The following MAGI2 variants were observed in gnomAD, a reference collection of about 807,000 sequenced individuals.
MAGI2 encodes membrane-associated guanylate kinase, WW and PDZ domain-containing protein 2.
MAGI2 carries 35 observed loss-of-function variants against 133.3 expected under a neutral mutation model. The ratio of observed to expected loss-of-function variants is 0.26; its 90% CI spans 0.20 to 0.35. The LOEUF is 0.35. MAGI2 is among the 10% of genes least tolerant of loss of function. The pLI, the probability that MAGI2 is intolerant of heterozygous loss-of-function variation, is 1.00. For missense variants in MAGI2, 1,636 were observed against 1,863.4 expected, an observed-to-expected ratio of 0.88 and a Z score of 2.25; for synonymous variants, 729 against 710.6, an observed-to-expected ratio of 1.03 and a Z score of -0.41.
intron 15 of MAGI2, among the ~76,000 whole-genome samples, chr7:78,162,405 GTCCCAGCTAC>G (rs903808021): frequency 7.3e-5 from 11 of 150,976 alleles, no homozygotes; most frequent in African/African-American, 2.7e-4. Context: ...GGCTCCTGTA[GTCCCAGCTAC>G]TCGGGAGGCT....
At chr7:78,500,825 AC>A (rs1330675670) in intron 5 of MAGI2, among the ~76,000 whole-genome samples, 7 of 152,104 alleles carry the variant, frequency 4.6e-5, no homozygotes, top group Non-Finnish European at 1.0e-4. Context: ...GCAGTGGCTC[AC>A]CCCTGTAATC....
intron 3 of MAGI2, among the ~76,000 whole-genome samples, chr7:78,555,200 G>A (rs2215937): frequency 0.14 from 12,605 of 92,502 alleles, 717 homozygotes; most frequent in South Asian, 0.18. Context: ...TTGGATGGAT[G>A]GATAGATAGA....
chr7:78,188,630 G>C (rs183085071), intron 12 of MAGI2, among the ~76,000 whole-genome samples: 23 of 152,184 alleles, frequency 1.5e-4, no homozygotes, highest in Middle Eastern at 3.4e-3. Flanking sequence ...GAACATACGT[G>C]GGGGGTACTT....
intron 1 of MAGI2, among the ~76,000 whole-genome samples, chr7:79,123,694 G>A (rs999473470): frequency 2.0e-5 from 3 of 148,048 alleles, no homozygotes; most frequent in African/African-American, 5.0e-5. Flanking sequence ...ACTGAGGCAG[G>A]AGAATCGCTT....
At chr7:78,899,476 C>A (rs1361243561) in intron 2 of MAGI2, among the ~76,000 whole-genome samples, 1 of 152,166 alleles carries the variant, frequency 6.6e-6, no homozygotes, top group African/African-American at 2.4e-5. Flanking sequence ...CTGTTAAAAT[C>A]CTACCTTGGC....
chr7:79,020,801 G>T (rs1809250625), intron 1 of MAGI2, among the ~76,000 whole-genome samples: 3 of 151,218 alleles, frequency 2.0e-5, no homozygotes, highest in African/African-American at 7.3e-5. Flanking sequence ...GAAATGAGGA[G>T]CCAAATGTTA....
chr7:78,339,137 C>G (rs1260378482), intron 9 of MAGI2, among the ~76,000 whole-genome samples: 4 of 152,328 alleles, frequency 2.6e-5, no homozygotes, highest in Non-Finnish European at 4.4e-5. Context: ...GATGTGAACT[C>G]CTTGAGAAAC....
chr7:78,171,594 T>C (rs1480400815), intron 14 of MAGI2, among the ~76,000 whole-genome samples: 5 of 152,214 alleles, frequency 3.3e-5, no homozygotes, highest in Non-Finnish European at 7.3e-5. Context: ...ACGTCCCAAG[T>C]TGGCTGAGCA....
At chr7:79,279,781 C>T (rs540573531) in intron 1 of MAGI2, among the ~76,000 whole-genome samples, 6 of 152,200 alleles carry the variant, frequency 3.9e-5, no homozygotes, top group Non-Finnish European at 2.9e-5. Flanking sequence ...TTAACTTCTT[C>T]AGTTCAAATT....
rs1401981573 is a variant in MAGI2, at chr7:79,345,038, A to G, written c.301+107982T>C. On this transcript the variant is annotated intron_variant, in intron 1 of 21. Transcript: ENST00000354212. ...CAAGAATGTCCATATCCATCTATTTAATACATATTGTTATGGGTTGAATTG... is the reference window on the plus strand; with the variant it reads ...CAAGAATGTCCATATCCATCTATTTGATACATATTGTTATGGGTTGAATTG... Among the ~76,000 whole-genome samples the G allele has an allele frequency of 2.6e-5, 4 of 152,090 alleles. No homozygotes were observed. In the East Asian group the frequency reaches 7.7e-4, roughly 29 times the overall value.
chr7:78,384,622 G>T (rs1289462363), intron 6 of MAGI2, among the ~76,000 whole-genome samples: 1 of 152,102 alleles, frequency 6.6e-6, no homozygotes, highest in Non-Finnish European at 1.5e-5. Flanking sequence ...TTCTAGTGAA[G>T]CAGCCTTTTC....
Position 78,482,896 on chromosome 7 carries a change from CA to C in MAGI2, c.1045+6864del, listed in dbSNP as rs1783366657. Among the ~76,000 whole-genome samples, 9 of 128,888 alleles carry C rather than the reference CA, an allele frequency of 7.0e-5. No individual in the cohort carries two copies. The South Asian group carries it at 1.8e-3, about 25-fold the overall frequency. 84.6% of individuals were successfully genotyped at this position (128,888 alleles called of 152,430 possible). A position where few individuals can be genotyped will look rare whatever the true frequency, so the allele number is the denominator to read the frequency against. On this transcript the variant is annotated intron_variant, in intron 6 of 21. Coordinates refer to ENST00000354212, the MANE Select transcript of MAGI2 (RefSeq NM_012301.4). The stretch of plus-strand genomic sequence containing the variant: ...ATGGAACTACACACACACACACACA[CA>C]CACACACACACACACACACACACAC...
intron 2 of MAGI2, among the ~76,000 whole-genome samples, chr7:79,004,938 C>T (rs775552235): frequency 2.8e-4 from 42 of 151,908 alleles, no homozygotes; most frequent in African/African-American, 8.7e-4. Context: ...CAAAATTAGC[C>T]GGGCATGGTG....
intron 2 of MAGI2, among the ~76,000 whole-genome samples, chr7:78,739,369 T>A (rs1030199576): frequency 6.6e-6 from 1 of 152,172 alleles, no homozygotes; most frequent in Non-Finnish European, 1.5e-5. Context: ...GAAACAAAGA[T>A]AAGGCAAGCT....
intron 2 of MAGI2, among the ~76,000 whole-genome samples, chr7:78,727,925 T>TA (rs1820979272): frequency 6.6e-6 from 1 of 151,884 alleles, no homozygotes; most frequent in African/African-American, 2.4e-5. Flanking sequence ...TGACTGAGAG[T>TA]AAAAATAAAC....
chr7:78,458,125 G>A (rs892924086), intron 6 of MAGI2, among the ~76,000 whole-genome samples: 8 of 151,846 alleles, frequency 5.3e-5, no homozygotes, highest in Admixed American at 3.9e-4. Context: ...GTGAAACACC[G>A]TCTCTACTAA....
At chr7:78,779,437 A>G (rs1194784566) in intron 2 of MAGI2, among the ~76,000 whole-genome samples, 1 of 152,182 alleles carries the variant, frequency 6.6e-6, no homozygotes, top group African/African-American at 2.4e-5. Flanking sequence ...ACCAAAATCA[A>G]ATTCAACTGG....
chr7:79,331,374 G>A (rs1840060751), intron 1 of MAGI2, among the ~76,000 whole-genome samples: 2 of 152,080 alleles, frequency 1.3e-5, no homozygotes, highest in South Asian at 2.1e-4. Flanking sequence ...ACTAGTAATA[G>A]TTGGAAATTT....
rs555051071 is a variant in MAGI2 at position 79,281,717 on chromosome 7, G to A, written c.301+171303C>T. Among the ~76,000 whole-genome samples, 190 of 152,190 alleles carry A rather than the reference G, an allele frequency of 1.2e-3. No homozygotes were observed. The Middle Eastern group carries it at 0.017, about 14-fold the overall frequency. The stretch of plus-strand genomic sequence containing the variant: ...TTATCTTTATTGCTATACTAAATCA[G>A]AATGCTTGATGTGTTCCAAATATAG... On this transcript the variant is annotated intron_variant, in intron 1 of 21. Coordinates refer to ENST00000354212, the MANE Select transcript of MAGI2 (RefSeq NM_012301.4).
Sources: allele counts gnomAD v4.1 joint callset (sites outside exome capture counted in the v4.1 genomes callset), GRCh38; gene constraint gnomAD v4.1.1; transcripts MANE v1.5; gene names NCBI Gene and HGNC (gene_info 2026-07-23, HGNC 2026-07-21).